Variants in COL24A1 observed in about 807,000 individuals in gnomAD.
The protein encoded by COL24A1 is collagen alpha-1(XXIV) chain.
In COL24A1, 224 loss-of-function variants were observed where a neutral mutation model predicts 253.9. That is an observed-to-expected ratio of 0.88 (90% CI 0.79 to 0.99). The LOEUF (loss-of-function observed/expected upper bound fraction) is 0.99, where lower values mean the gene tolerates loss of function less well. Among genes scored for constraint, COL24A1 ranks in the 50% least tolerant of loss-of-function variants. COL24A1 has a pLI of 0.00. For synonymous variants in COL24A1, 685 were observed against 673.7 expected (o/e 1.02, Z -0.26); for missense variants, 2,131 against 2,068.5 (o/e 1.03, Z -0.59).
At chr1:86,071,624 C>G (rs772137016) in intron 7 of COL24A1, among the ~76,000 whole-genome samples, 1 of 151,958 alleles carries the variant, frequency 6.6e-6, no homozygotes, top group Non-Finnish European at 1.5e-5. Flanking sequence ...AACAGATTTC[C>G]AAACAAAAAC....
At chr1:85,868,980 G>T in intron 35 of COL24A1, 145 bp from the exon 36 acceptor site, 1 of 551,864 alleles carries the variant, frequency 1.8e-6, no homozygotes, top group Non-Finnish European at 3.2e-6. Flanking sequence ...GGATTTGACA[G>T]TAAAATGAGA....
chr1:85,868,937 G>A (rs1680098896), intron 35 of COL24A1, 102 bp from the exon 36 acceptor site: 3 of 715,550 alleles, frequency 4.2e-6, no homozygotes, highest in Non-Finnish European at 6.7e-6. Context: ...GCAAATTTGT[G>A]TTCACTTATT....
chr1:86,030,777 T>C (rs1392621973), intron 14 of COL24A1, among the ~76,000 whole-genome samples: 1 of 151,264 alleles, frequency 6.6e-6, no homozygotes, highest in African/African-American at 2.4e-5. Flanking sequence ...TTGTTGTTGT[T>C]GTAGCATTGG....
intron 2 of COL24A1, among the ~76,000 whole-genome samples, chr1:86,139,471 A>G (rs936695318): frequency 6.6e-6 from 1 of 152,208 alleles, no homozygotes; most frequent in South Asian, 2.1e-4. Flanking sequence ...AAATTGGAAG[A>G]AGAAGAATTG....
chr1:86,148,631 A>C (rs1164531467), intron 1 of COL24A1, among the ~76,000 whole-genome samples: 1 of 151,930 alleles, frequency 6.6e-6, no homozygotes, highest in African/African-American at 2.4e-5. Context: ...TAGTTTACTG[A>C]GAATGATGAT....
chr1:86,066,294 A>G (rs999497632), intron 7 of COL24A1, among the ~76,000 whole-genome samples: 2 of 130,018 alleles, frequency 1.5e-5, no homozygotes, highest in Admixed American at 1.9e-4. Flanking sequence ...GCTGGAGTGC[A>G]GTGGCACGAT....
rs565838067 is a variant in COL24A1, at chr1:85,729,506, A to C, written c.*1040T>G. 6.5e-6 allele frequency: 1 copy of C among 152,682 alleles called. No homozygotes were observed. Among genetic ancestry groups the C allele is most frequent in the South Asian group, 2.1e-4 (1 of 4,830 alleles). 9.5% of individuals were successfully genotyped at this position (152,682 alleles called of 1,614,324 possible). ...ACACTAAATTTAAGTACAGTGAAAG[A>C]AAATCAATGAATACTACAAAACATA... On this transcript the variant is annotated 3_prime_UTR_variant, in exon 60 of 60. Coordinates refer to ENST00000370571, the MANE Select transcript of COL24A1 (RefSeq NM_152890.7).
At chr1:86,081,341 C>T (rs1446333003) in intron 7 of COL24A1, among the ~76,000 whole-genome samples, 1 of 151,328 alleles carries the variant, frequency 6.6e-6, no homozygotes, top group Non-Finnish European at 1.5e-5. Flanking sequence ...GTCACTTCCT[C>T]TGGAACATCC....
intron 43 of COL24A1, among the ~76,000 whole-genome samples, chr1:85,833,121 G>T (rs112726505): frequency 0.016 from 2,419 of 152,258 alleles, 63 homozygotes; most frequent in African/African-American, 0.055. Flanking sequence ...AATTAATGGA[G>T]AGTTTTTAGC....
At chr1:86,149,349 T>G (rs927238062) in intron 1 of COL24A1, among the ~76,000 whole-genome samples, 1 of 152,232 alleles carries the variant, frequency 6.6e-6, no homozygotes, top group African/African-American at 2.4e-5. Flanking sequence ...AAGATTAAAA[T>G]GATGTGTGGG....
In COL24A1 at chr1:85,842,407, T is replaced by C; in HGVS notation, c.3463-14A>G. On this transcript the variant is annotated splice_polypyrimidine_tract_variant and intron_variant, in intron 39 of 59. Transcript: ENST00000370571. ...TCCTAAATGTCCCTGAAAAACAAAG[T>C]AAATATTAGTGAGAGAGAGAAAGTA... 6 of 1,547,936 alleles carry C rather than the reference T, an allele frequency of 3.9e-6. No individual in the cohort carries two copies. The highest frequency in any genetic ancestry group is 5.3e-6 in the Non-Finnish European group (6 of 1,128,822).
intron 24 of COL24A1, among the ~76,000 whole-genome samples, chr1:85,944,602 T>A (rs990013333): frequency 3.0e-4 from 45 of 152,038 alleles, no homozygotes; most frequent in Admixed American, 7.2e-4. Context: ...CTCTTTTTTT[T>A]TTATTATTAT....
intron 24 of COL24A1, among the ~76,000 whole-genome samples, chr1:85,957,055 T>A (rs1475385466): frequency 6.6e-6 from 1 of 152,128 alleles, no homozygotes; most frequent in Non-Finnish European, 1.5e-5. Context: ...AATGAGTTCA[T>A]GTCGTACCAT....
chr1:85,976,971 A>G (rs1571442754), intron 20 of COL24A1, among the ~76,000 whole-genome samples: 1 of 151,906 alleles, frequency 6.6e-6, no homozygotes, highest in Non-Finnish European at 1.5e-5. Flanking sequence ...AGTCTACTTC[A>G]CTCCCCTGCC....
chr1:86,120,374 A>T (rs147341659), intron 3 of COL24A1, among the ~76,000 whole-genome samples: 1 of 152,152 alleles, frequency 6.6e-6, no homozygotes, highest in Non-Finnish European at 1.5e-5. Context: ...ATGGGGGAAA[A>T]TTTTTGCAAT....
intron 24 of COL24A1, among the ~76,000 whole-genome samples, chr1:85,946,894 T>A (rs574461074): frequency 3.3e-5 from 5 of 152,328 alleles, no homozygotes; most frequent in Non-Finnish European, 5.9e-5. Context: ...GTTCTATATA[T>A]ACACCGACTA....
rs1218154492 is a variant in COL24A1 at position 86,033,380 on chromosome 1, CCAT to C, written c.2004+487_2004+489del. Among the ~76,000 whole-genome samples, 5 of 151,948 alleles carry C rather than the reference CCAT, an allele frequency of 3.3e-5. No individual in the cohort carries two copies. In the East Asian group the frequency reaches 9.6e-4, roughly 29 times the overall value. On this transcript the variant is annotated intron_variant, in intron 13 of 59. Coordinates refer to ENST00000370571, the MANE Select transcript of COL24A1 (RefSeq NM_152890.7). ...CTACCTAGCGCCAAAAAATAGCAAT[CCAT>C]CATCATTCTTTGATGATATAATTAA...
intron 19 of COL24A1, among the ~76,000 whole-genome samples, chr1:86,012,631 T>C (rs759103689): frequency 6.6e-5 from 10 of 152,044 alleles, no homozygotes; most frequent in Non-Finnish European, 1.3e-4. Context: ...TGTCCCTACT[T>C]TCAGCACTGT....
chr1:85,825,153 T>A (rs752506139), intron 43 of COL24A1, among the ~76,000 whole-genome samples: 14 of 143,936 alleles, frequency 9.7e-5, no homozygotes, highest in Non-Finnish European at 1.5e-4. Flanking sequence ...AGTTCCCACC[T>A]ATGAGTGAGA....
Sources: allele counts gnomAD v4.1 joint callset (sites outside exome capture counted in the v4.1 genomes callset), GRCh38; gene constraint gnomAD v4.1.1; transcripts MANE v1.5; gene names NCBI Gene and HGNC (gene_info 2026-07-23, HGNC 2026-07-21).